CDKL1: variants seen among roughly 807,000 people sequenced by gnomAD.
CDKL1 encodes cyclin-dependent kinase-like 1.
A neutral mutation model predicts 42.0 loss-of-function variants in CDKL1; 41 were observed. The ratio of observed to expected loss-of-function variants is 0.98; its 90% CI spans 0.76 to 1.27. CDKL1 has a LOEUF of 1.27. CDKL1 is among the 50% of genes most tolerant of loss of function. The probability of loss-of-function intolerance (pLI) is 0.00; values close to 1 mark genes in which losing one functional copy is unlikely to be tolerated. For synonymous variants in CDKL1, 153 were observed against 158.6 expected (o/e 0.96, Z 0.26); for missense variants, 394 against 428.4 (o/e 0.92, Z 0.71).
chr14:50,345,206 C>G, intron 3 of CDKL1, 148 bp from the exon 4 acceptor site: 1 of 680,550 alleles, frequency 1.5e-6, no homozygotes, highest in South Asian at 1.9e-5. Flanking sequence ...TTCCATGAAT[C>G]CAAAATGTAA....
intron 3 of CDKL1, among the ~76,000 whole-genome samples, chr14:50,353,957 C>CTT (rs529856608): frequency 2.1e-5 from 3 of 142,894 alleles, no homozygotes; most frequent in Admixed American, 7.0e-5. Flanking sequence ...TCAATTTTTT[C>CTT]TTTTTTTTTT....
At chr14:50,394,643 CAG>C (rs372133596) in intron 2 of CDKL1, among the ~76,000 whole-genome samples, 2 of 152,326 alleles carry the variant, frequency 1.3e-5, no homozygotes, top group African/African-American at 4.8e-5. Flanking sequence ...CAGGTCAGAA[CAG>C]AGAGGCCATA....
At chr14:50,373,920 C>G (rs1001926557) in intron 2 of CDKL1, among the ~76,000 whole-genome samples, 1 of 152,190 alleles carries the variant, frequency 6.6e-6, no homozygotes, top group Non-Finnish European at 1.5e-5. Context: ...TAATCACACT[C>G]CTAGGTATTT....
At chr14:50,380,278 CTT>C (rs759515328) in intron 2 of CDKL1, 34 of 523,662 alleles carry the variant, frequency 6.5e-5, no homozygotes, top group Non-Finnish European at 1.3e-4. Context: ...CCATCAAAGA[CTT>C]AGGAATGCAG....
At chr14:50,335,498 C>T (rs2033217899) in intron 7 of CDKL1, 1 of 1,535,986 alleles carries the variant, frequency 6.5e-7, no homozygotes, top group African/African-American at 1.4e-5. Flanking sequence ...ATTCGTCAAT[C>T]TCCTTTTGGC....
In CDKL1 at chr14:50,395,772, T is replaced by A; in HGVS notation, c.97A>T (p.Lys33Ter). 1 of 1,614,040 alleles carries A rather than the reference T, an allele frequency of 6.2e-7. No homozygotes were observed. The highest frequency in any genetic ancestry group is 8.5e-7 in the Non-Finnish European group (1 of 1,179,848). Residue 33 changes from lysine to a stop codon, truncating the protein, a stop_gained, in exon 2 of 10, where the codon AAG (lysine) becomes TAG (stop). Coordinates refer to ENST00000395834, the MANE Select transcript of CDKL1 (RefSeq NM_004196.7). LOFTEE classifies it high-confidence loss of function. Reference protein sequence around the residue: ...NRDTGQIVAIKKFLESEDDPV... With the variant: ...NRDTGQIVAI Reference sequence around the variant, plus strand: ...TCATCTTCTGATTCCAGAAACTTCTTGATGGCCACAATCTGACCCGTGTCC... The same window carrying A: ...TCATCTTCTGATTCCAGAAACTTCTAGATGGCCACAATCTGACCCGTGTCC...
rs4027866 is a variant in CDKL1 at position 50,385,803 on chromosome 14, CAAAA to C, written c.168+9894_168+9897del. On this transcript the variant is annotated intron_variant, in intron 2 of 9. Transcript: ENST00000395834. ...TAGGCAACAGAGCAAGACTCCGTCC[CAAAA>C]AAAAAAAAAAAAAAAAGTCATGGCA... is the stretch of plus-strand genomic sequence containing the variant. 7.7e-5 allele frequency among the ~76,000 whole-genome samples: 6 copies of C among 77,572 alleles called. No individual in the cohort carries two copies. The Admixed American group carries it at 9.9e-4, about 13-fold the overall frequency. The allele number at this position is 77,572 out of a possible 152,430, so 50.9% of individuals were successfully genotyped here. A position where few individuals can be genotyped will look rare whatever the true frequency, so the allele number is the denominator to read the frequency against.
chr14:50,342,849 C>T, intron 4 of CDKL1: 2 of 1,218,552 alleles, frequency 1.6e-6, no homozygotes, highest in African/African-American at 3.3e-5. Flanking sequence ...AGAGATTTCC[C>T]TTCCAGCTCT....
intron 4 of CDKL1, among the ~76,000 whole-genome samples, chr14:50,344,468 GTTTTTTT>G (rs138592023): frequency 7.6e-6 from 1 of 130,880 alleles, no homozygotes. Context: ...GTTCTTTGTG[GTTTTTTT>G]TTTTTTTTTT....
At position 50,396,840 on chromosome 14, in the gene CDKL1, G is replaced by C. The variant is rs1399308649; in HGVS notation, c.-478C>G. The C allele has an allele frequency of 1.1e-5, 2 of 176,926 alleles. No individual in the cohort carries two copies. Among genetic ancestry groups the C allele is most frequent in the Non-Finnish European group, 2.3e-5 (2 of 86,928 alleles). 11.0% of individuals were successfully genotyped at this position (176,926 alleles called of 1,614,324 possible). A position where few individuals can be genotyped will look rare whatever the true frequency, so the allele number is the denominator to read the frequency against. Reference sequence around the variant, plus strand: ...GGGACTCACGGCGCCGCGGCGGTCAGGGACGGGCCTGGCTCCCGCCTCGCC... The same window carrying C: ...GGGACTCACGGCGCCGCGGCGGTCACGGACGGGCCTGGCTCCCGCCTCGCC... On this transcript the variant is annotated 5_prime_UTR_variant, in exon 1 of 10. Transcript: ENST00000395834.
At chr14:50,335,092 A>T (rs61981881) in intron 7 of CDKL1, among the ~76,000 whole-genome samples, 1 of 149,838 alleles carries the variant, frequency 6.7e-6, no homozygotes, top group Non-Finnish European at 1.5e-5. Context: ...ATTTGAGACC[A>T]GCCTGGGCAA....
chr14:50,342,258 G>T, intron 4 of CDKL1, 36 bp from the exon 5 acceptor site: 1 of 1,566,630 alleles, frequency 6.4e-7, no homozygotes, highest in Non-Finnish European at 8.8e-7. Flanking sequence ...CAATATTAAG[G>T]CTGAACTATA....
At chr14:50,394,417 G>A (rs1200498720) in intron 2 of CDKL1, among the ~76,000 whole-genome samples, 5 of 152,358 alleles carry the variant, frequency 3.3e-5, no homozygotes, top group East Asian at 1.9e-4. Context: ...AAATAGAGAA[G>A]TTGCCCTGTT....
intron 2 of CDKL1, 69 bp downstream of exon 2, chr14:50,395,632 A>G (rs1047733207): frequency 1.3e-5 from 14 of 1,074,792 alleles, no homozygotes; most frequent in Non-Finnish European, 1.9e-5. Flanking sequence ...ACATGGCTGC[A>G]CTCCAGCCTG....
In CDKL1 at chr14:50,329,784, C is replaced by G. The variant is rs2032838167; in HGVS notation, c.*290G>C. 1 of 253,544 alleles carries G rather than the reference C, an allele frequency of 3.9e-6. No individual in the cohort carries two copies. The highest frequency in any genetic ancestry group is 2.3e-5 in the African/African-American group (1 of 43,362). The allele number at this position is 253,544 out of a possible 1,614,324, so 15.7% of individuals were successfully genotyped here. ...ATCTTTTTGATATCATCTAGTTTTG[C>G]CAGAGGTATGGGACAGTTCATATTC... On this transcript the variant is annotated 3_prime_UTR_variant, in exon 10 of 10. Coordinates refer to ENST00000395834, the MANE Select transcript of CDKL1 (RefSeq NM_004196.7).
At chr14:50,339,171 A>G in intron 6 of CDKL1, 142 bp from the exon 7 acceptor site, 1 of 647,754 alleles carries the variant, frequency 1.5e-6, no homozygotes, top group Non-Finnish European at 2.9e-6. Context: ...AGAGGCATTC[A>G]GGCAACCCAC....
intron 2 of CDKL1, chr14:50,377,817 A>T (rs1468533542): frequency 2.4e-6 from 2 of 845,176 alleles, no homozygotes; most frequent in African/African-American, 3.6e-5. Flanking sequence ...TAAATCACTG[A>T]AAAAAGAAAA....
chr14:50,329,389 T>C lies in CDKL1; in HGVS notation c.*685A>G, dbSNP rs1323627996. 6.6e-6 allele frequency: 1 copy of C among 152,190 alleles called. No individual in the cohort carries two copies. Among genetic ancestry groups the C allele is most frequent in the Admixed American group, 6.5e-5 (1 of 15,268 alleles). 9.4% of individuals were successfully genotyped at this position (152,190 alleles called of 1,614,324 possible). Reference sequence around the variant, plus strand: ...ATTGGGTGAATAAATGTAGACAGATTACAGTAAATCCACGTTGCCTGCAAA... The same window carrying C: ...ATTGGGTGAATAAATGTAGACAGATCACAGTAAATCCACGTTGCCTGCAAA... On this transcript the variant is annotated 3_prime_UTR_variant, in exon 10 of 10. Coordinates refer to ENST00000395834, the MANE Select transcript of CDKL1 (RefSeq NM_004196.7).
intron 3 of CDKL1, among the ~76,000 whole-genome samples, chr14:50,347,682 G>A (rs1257778836): frequency 1.3e-5 from 2 of 152,172 alleles, no homozygotes; most frequent in Non-Finnish European, 2.9e-5. Context: ...CTGTGAGTCA[G>A]CAATTCTACA....
Sources: allele counts gnomAD v4.1 joint callset (sites outside exome capture counted in the v4.1 genomes callset), GRCh38; gene constraint gnomAD v4.1.1; transcripts MANE v1.5; gene names NCBI Gene and HGNC (gene_info 2026-07-23, HGNC 2026-07-21).